Variants in STK39 observed in about 807,000 individuals in gnomAD.
The protein encoded by STK39 is serine/threonine kinase 39.
Under a neutral mutation model 77.8 loss-of-function variants are expected in STK39, and 20 were observed. The ratio of observed to expected loss-of-function variants is 0.26; its 90% confidence interval spans 0.18 to 0.37. The LOEUF (loss-of-function observed/expected upper bound fraction) is 0.37. STK39 is among the 10% of genes least tolerant of loss of function. The pLI is 1.00. For synonymous variants in STK39, 246 were observed against 234.1 expected (o/e 1.05, Z -0.47); for missense variants, 479 against 656.5 (o/e 0.73, Z 2.95).
intron 14 of STK39, among the ~76,000 whole-genome samples, chr2:168,025,564 T>C (rs749488723): frequency 6.6e-6 from 1 of 152,232 alleles, no homozygotes; most frequent in Non-Finnish European, 1.5e-5. Context: ...TACACACGTA[T>C]ACATGGCTTT....
chr2:168,147,845 T>C (rs10189877), intron 5 of STK39, among the ~76,000 whole-genome samples: 6,370 of 152,252 alleles, frequency 0.042, 341 homozygotes, highest in East Asian at 0.23. Context: ...CCGATTTTCT[T>C]GGTGAAAGAA....
chr2:168,118,575 G>T (rs1469332252), intron 10 of STK39, among the ~76,000 whole-genome samples: 1 of 132,644 alleles, frequency 7.5e-6, no homozygotes, highest in Non-Finnish European at 1.6e-5. Flanking sequence ...AACCAGAAAG[G>T]AGTCACTTTC....
chr2:168,183,398 T>C (rs985774729), intron 1 of STK39, among the ~76,000 whole-genome samples: 7 of 152,132 alleles, frequency 4.6e-5, no homozygotes, highest in Non-Finnish European at 7.4e-5. Flanking sequence ...ACATTTTTAT[T>C]ACTAGCCTCA....
At chr2:168,151,654 G>A (rs1019752023) in intron 5 of STK39, among the ~76,000 whole-genome samples, 8 of 151,312 alleles carry the variant, frequency 5.3e-5, no homozygotes, top group Non-Finnish European at 1.2e-4. Context: ...CAGGAGAATC[G>A]CTTGAACCCA....
chr2:168,153,456 C>T (rs913302393), intron 5 of STK39, among the ~76,000 whole-genome samples: 88 of 152,282 alleles, frequency 5.8e-4, no homozygotes, highest in African/African-American at 2.0e-3. Context: ...GATTGCTGGG[C>T]CCTACCTCTA....
intron 10 of STK39, among the ~76,000 whole-genome samples, chr2:168,107,273 G>T (rs1686999527): frequency 6.6e-6 from 1 of 152,184 alleles, no homozygotes; most frequent in Non-Finnish European, 1.5e-5. Flanking sequence ...ACAACATGAT[G>T]AATGGGTCTT....
At position 168,018,644 on chromosome 2, in the gene STK39, A is replaced by G. The variant is rs77990240; in HGVS notation, c.1377-1549T>C. Among the ~76,000 whole-genome samples the G allele has an allele frequency of 6.0e-3, 907 of 152,212 alleles. 4 individuals carry two copies. Among genetic ancestry groups the G allele is most frequent in the Non-Finnish European group, 0.01 (704 of 68,024 alleles). Reference sequence around the variant, plus strand: ...AACTAGTATTAGCTGAGCCTCTGAAAATGTCTAAGACAGAGTCAGAGATGG... The same window carrying G: ...AACTAGTATTAGCTGAGCCTCTGAAGATGTCTAAGACAGAGTCAGAGATGG... On this transcript the variant is annotated intron_variant, in intron 14 of 17. Transcript: ENST00000355999.
At chr2:168,049,394 T>C (rs1019723428) in intron 14 of STK39, among the ~76,000 whole-genome samples, 1 of 152,180 alleles carries the variant, frequency 6.6e-6, no homozygotes, top group Non-Finnish European at 1.5e-5. Context: ...AAAATCCCAA[T>C]TCCCTAGCAC....
In STK39 at chr2:168,236,260, G is replaced by C. The variant is rs367571600; in HGVS notation, c.208+10968C>G. ...TGGCTGCATAAATGTCTTCTTTTGA[G>C]AAGTGTCTGTTCATATCCTTCGCCC... On this transcript the variant is annotated intron_variant, in intron 1 of 17. Coordinates refer to ENST00000355999, the MANE Select transcript of STK39 (RefSeq NM_013233.3). Among the ~76,000 whole-genome samples the C allele has an allele frequency of 8.3e-3, 1,258 of 152,342 alleles. 14 individuals carry two copies. Among genetic ancestry groups the C allele is most frequent in the African/African-American group, 0.023 (946 of 41,580 alleles).
chr2:168,154,551 A>G (rs1220537377), intron 5 of STK39, among the ~76,000 whole-genome samples: 1 of 152,254 alleles, frequency 6.6e-6, no homozygotes, highest in East Asian at 1.9e-4. Flanking sequence ...GTTATTGACC[A>G]AAACCTATTT....
At chr2:168,168,390 G>A (rs1015678048) in intron 2 of STK39, among the ~76,000 whole-genome samples, 16 of 152,254 alleles carry the variant, frequency 1.1e-4, no homozygotes, top group Admixed American at 9.2e-4. Flanking sequence ...TACCAGACCA[G>A]TGTAACTCAC....
chr2:168,111,008 A>AT (rs1469091804), intron 10 of STK39, among the ~76,000 whole-genome samples: 1 of 152,140 alleles, frequency 6.6e-6, no homozygotes, highest in Non-Finnish European at 1.5e-5. Flanking sequence ...GATTTATTTA[A>AT]TAAAAACTAC....
At chr2:167,960,983 T>A (rs1183965819) in intron 17 of STK39, among the ~76,000 whole-genome samples, 5 of 152,140 alleles carry the variant, frequency 3.3e-5, no homozygotes, top group African/African-American at 9.7e-5. Flanking sequence ...TACATTGTAA[T>A]CCAGTTCCCA....
chr2:167,956,667 G>GACACACACACACAC (rs762455680), intron 17 of STK39, among the ~76,000 whole-genome samples: 1,616 of 47,664 alleles, frequency 0.034, 167 homozygotes, highest in African/African-American at 0.07. Context: ...CTTGCTTTTA[G>GACACACACACACAC]ACACACACAC....
At chr2:168,099,284 AG>A (rs1375212762) in intron 10 of STK39, among the ~76,000 whole-genome samples, 1 of 152,248 alleles carries the variant, frequency 6.6e-6, no homozygotes, top group African/African-American at 2.4e-5. Context: ...GATCATCAAT[AG>A]TGAACTAATA....
intron 16 of STK39, among the ~76,000 whole-genome samples, chr2:167,989,551 G>A (rs1683645576): frequency 1.3e-5 from 2 of 152,266 alleles, no homozygotes; most frequent in Admixed American, 6.5e-5. Context: ...GGGGTCCCAG[G>A]TGAGGACAGC....
chr2:167,972,271 A>T (rs1375724613), intron 16 of STK39, among the ~76,000 whole-genome samples: 6 of 152,198 alleles, frequency 3.9e-5, no homozygotes, highest in African/African-American at 9.6e-5. Context: ...AGTTTTAATT[A>T]CCACAAGAAA....
chr2:168,238,914 A>G (rs756643905), intron 1 of STK39, among the ~76,000 whole-genome samples: 2 of 152,226 alleles, frequency 1.3e-5, no homozygotes, highest in Non-Finnish European at 2.9e-5. Context: ...CCTAGAGGAA[A>G]ACGTATGACT....
At chr2:168,225,933 A>G (rs1690293287) in intron 1 of STK39, among the ~76,000 whole-genome samples, 1 of 152,194 alleles carries the variant, frequency 6.6e-6, no homozygotes, top group Admixed American at 6.5e-5. Flanking sequence ...CTAGATTCTC[A>G]ATCTTTGGGA....
Sources: allele counts gnomAD v4.1 joint callset (sites outside exome capture counted in the v4.1 genomes callset), GRCh38; gene constraint gnomAD v4.1.1; transcripts MANE v1.5; gene names NCBI Gene and HGNC (gene_info 2026-07-23, HGNC 2026-07-21).